The following OMD variants were observed in gnomAD, a reference collection of about 807,000 sequenced individuals.
The protein encoded by OMD is osteomodulin.
In OMD, 19 loss-of-function variants were observed where a neutral mutation model predicts 31.2. The ratio of observed to expected loss-of-function variants is 0.61; its 90% CI spans 0.42 to 0.89. The LOEUF (loss-of-function observed/expected upper bound fraction) is 0.89. OMD is among the 40% of genes least tolerant of loss of function. The pLI is 0.00. For synonymous variants in OMD, 155 were observed against 166.4 expected (o/e 0.93, Z 0.53); for missense variants, 448 against 490.8 (o/e 0.91, Z 0.82).
At position 92,416,072 on chromosome 9, in the gene OMD, T is replaced by TATATATATATA. The variant is rs368634649; in HGVS notation, c.940+546_940+547insTATATATATAT. Among the ~76,000 whole-genome samples, 155 of 125,378 alleles carry TATATATATATA rather than the reference T, an allele frequency of 1.2e-3. 1 individual carries two copies. Among genetic ancestry groups the TATATATATATA allele is most frequent in the South Asian group, 0.011 (43 of 3,992 alleles). The allele number at this position is 125,378 out of a possible 152,430, so 82.3% of individuals were successfully genotyped here. A position where few individuals can be genotyped will look rare whatever the true frequency, so the allele number is the denominator to read the frequency against. On this transcript the variant is annotated intron_variant, in intron 2 of 2. Transcript: ENST00000375550. ...TATATATGTGTGTATATATATATAT[T>TATATATATATA]TATTTATTTATTTATTTATTTATTT...
At position 92,417,422 on chromosome 9, in the gene OMD, C is replaced by T. The variant is rs139573768; in HGVS notation, c.137G>A (p.Arg46His). 100 of 1,613,886 alleles carry T rather than the reference C, an allele frequency of 6.2e-5. No homozygotes were observed. The highest frequency in any genetic ancestry group is 4.0e-5 in the Non-Finnish European group (47 of 1,179,986). The change falls in exon 2 of 3, where the codon CGT (arginine) becomes CAT (histidine). Residue 46 changes from arginine (R) to histidine (H), a missense_variant. Arg to His is a conservative substitution (Grantham distance 29). Transcript: ENST00000375550. Reference protein sequence around the residue: ...DDDYQTGFPFRQNVDYGVPFH... With the variant: ...DDDYQTGFPFHQNVDYGVPFH... ...AGGAACTCCGTAGTCTACATTTTGACGAAATGGGAATCCTGTTTGGTAATC... is the reference window on the plus strand; with the variant it reads ...AGGAACTCCGTAGTCTACATTTTGATGAAATGGGAATCCTGTTTGGTAATC...
rs1390006310 is a variant in OMD at position 92,412,903 on chromosome 9, G to C, written c.*2249C>G. Among the ~76,000 whole-genome samples the C allele has an allele frequency of 6.6e-6, 1 of 151,116 alleles. No individual in the cohort carries two copies. Among genetic ancestry groups the C allele is most frequent in the East Asian group, 1.9e-4 (1 of 5,176 alleles). On this transcript the variant is annotated 3_prime_UTR_variant, in exon 3 of 3. Coordinates refer to ENST00000375550, the MANE Select transcript of OMD (RefSeq NM_005014.3). ...TGTGGACATTTATATGCAAATTTTG[G>C]TGTGAACATGTGTGTTCAGTTCTAT... is the stretch of plus-strand genomic sequence containing the variant.
rs1191751976 is a variant in OMD at position 92,416,793 on chromosome 9, G to A, written c.766C>T (p.Leu256Phe). 1.9e-6 allele frequency: 3 copies of A among 1,613,862 alleles called. No homozygotes were observed. Among genetic ancestry groups the A allele is most frequent in the Non-Finnish European group, 2.5e-6 (3 of 1,179,866 alleles). The stretch of plus-strand genomic sequence containing the variant: ...ATTCTTAGAGTATGAAGTTTTGGAA[G>A]TTTGTCGAAGTATTTTTCGGGTATA... Reference protein sequence around the residue: ...SSIPEKYFDKLPKLHTLRMSH... With the variant: ...SSIPEKYFDKFPKLHTLRMSH... Residue 256 changes from leucine to phenylalanine, a missense_variant, in exon 2 of 3, where the codon CTT becomes TTT. Physicochemically the swap from Leu to Phe is conservative, Grantham distance 22. Coordinates refer to ENST00000375550, the MANE Select transcript of OMD (RefSeq NM_005014.3).
chr9:92,423,318 T>C (rs1843870718), intron 1 of OMD, among the ~76,000 whole-genome samples: 2 of 152,134 alleles, frequency 1.3e-5, no homozygotes, highest in South Asian at 4.1e-4. Context: ...AATAAAACCA[T>C]CTGTGTCATA....
rs1843559056 is a variant in OMD at position 92,415,335 on chromosome 9, A to G, written c.1083T>C (p.Tyr361=). 4 of 1,613,550 alleles carry G rather than the reference A, an allele frequency of 2.5e-6. No homozygotes were observed. The highest frequency in any genetic ancestry group is 2.5e-6 in the Non-Finnish European group (3 of 1,179,790). ...FFCFPHIHTI[Y]YGEQRSTNGQ... Reference sequence around the variant, plus strand: ...CATTAGTGCTTCGTTGTTCACCATAATAAATAGTGTGTATATGAGGGAAGC... The same window carrying G: ...CATTAGTGCTTCGTTGTTCACCATAGTAAATAGTGTGTATATGAGGGAAGC... The change falls in exon 3 of 3, where the codon TAT becomes TAC. Residue 361 remains tyrosine, a synonymous_variant. Transcript: ENST00000375550.
At chr9:92,421,230 G>A (rs1277456343) in intron 1 of OMD, among the ~76,000 whole-genome samples, 1 of 152,078 alleles carries the variant, frequency 6.6e-6, no homozygotes, top group South Asian at 2.1e-4. Flanking sequence ...TGTAAAGACA[G>A]GGTTTTGCCA....
Position 92,418,415 on chromosome 9 carries a change from T to A in OMD, c.-16-841A>T, listed in dbSNP as rs549529362. Among the ~76,000 whole-genome samples, 123 of 151,988 alleles carry A rather than the reference T, an allele frequency of 8.1e-4. 1 individual carries two copies. Among genetic ancestry groups the A allele is most frequent in the African/African-American group, 2.8e-3 (117 of 41,446 alleles). ...ATTTTTTTTTTTTTTAAGTCACATA[T>A]TACACTGAACTTGAGTCAAAAGTCT... On this transcript the variant is annotated intron_variant, in intron 1 of 2. Transcript: ENST00000375550.
rs1843511321 is a variant in OMD at position 92,413,842 on chromosome 9, C to T, written c.*1310G>A. 6.6e-6 allele frequency among the ~76,000 whole-genome samples: 1 copy of T among 152,134 alleles called. No individual in the cohort carries two copies. The highest frequency in any genetic ancestry group is 1.5e-5 in the Non-Finnish European group (1 of 68,028). ...GGTGGGCGTTCTGGTTCTGATAATG[C>T]TAATAATTCCTCAAAGATGTAAAGA... On this transcript the variant is annotated 3_prime_UTR_variant, in exon 3 of 3. Transcript: ENST00000375550.
chr9:92,419,391 C>T lies in OMD; in HGVS notation c.-16-1817G>A, dbSNP rs566016647. Among the ~76,000 whole-genome samples the T allele has an allele frequency of 2.6e-5, 4 of 150,974 alleles. No homozygotes were observed. In the South Asian group the frequency reaches 6.3e-4, roughly 24 times the overall value. On this transcript the variant is annotated intron_variant, in intron 1 of 2. Transcript: ENST00000375550. ...TCTCGGCTCACTGCAGCCACCACCT[C>T]CTGGGTTTAAGCAATTCTCCTGCCT...
rs1259132762 is a variant in OMD, at chr9:92,413,006, T to C, written c.*2146A>G. ...TTTTTTTTTTTTTTTTTTTTTGATA[T>C]GGACTTTTGCTCTTGTTGCCCAGGC... On this transcript the variant is annotated 3_prime_UTR_variant, in exon 3 of 3. Coordinates refer to ENST00000375550, the MANE Select transcript of OMD (RefSeq NM_005014.3). Among the ~76,000 whole-genome samples, 1 of 126,250 alleles carries C rather than the reference T, an allele frequency of 7.9e-6. No homozygotes were observed. Among genetic ancestry groups the C allele is most frequent in the Admixed American group, 8.2e-5 (1 of 12,138 alleles). The allele number at this position is 126,250 out of a possible 152,430, so 82.8% of individuals were successfully genotyped here. A position where few individuals can be genotyped will look rare whatever the true frequency, so the allele number is the denominator to read the frequency against.
rs1372659079 is a variant in OMD at position 92,416,186 on chromosome 9, G to A, written c.940+433C>T. Among the ~76,000 whole-genome samples, 7 of 150,426 alleles carry A rather than the reference G, an allele frequency of 4.7e-5. No individual in the cohort carries two copies. In the South Asian group the frequency reaches 8.4e-4, roughly 18 times the overall value. On this transcript the variant is annotated intron_variant, in intron 2 of 2. Coordinates refer to ENST00000375550, the MANE Select transcript of OMD (RefSeq NM_005014.3). ...ATGATCTCAGCTCACTGCAACCTCC[G>A]ATTCCTGGGTTCAAGCAACTCTCAT... is the stretch of plus-strand genomic sequence containing the variant.
rs1843549427 is a variant in OMD, at chr9:92,415,085, T to C, written c.*67A>G. ...TATATTACTTTGAGTAATACATGTT[T>C]ACTTAGATTTACTATATTAAGTATA... On this transcript the variant is annotated 3_prime_UTR_variant, in exon 3 of 3. Transcript: ENST00000375550. 8.5e-7 allele frequency: 1 copy of C among 1,182,208 alleles called. No homozygotes were observed. Among genetic ancestry groups the C allele is most frequent in the Admixed American group, 2.6e-5 (1 of 38,894 alleles). The allele number at this position is 1,182,208 out of a possible 1,614,324, so 73.2% of individuals were successfully genotyped here. A position where few individuals can be genotyped will look rare whatever the true frequency, so the allele number is the denominator to read the frequency against.
intron 1 of OMD, among the ~76,000 whole-genome samples, chr9:92,419,299 C>CTTTTTTT (rs34582930): frequency 8.5e-6 from 1 of 117,098 alleles, no homozygotes; most frequent in East Asian, 2.3e-4. Flanking sequence ...TGCCTTGTGT[C>CTTTTTTT]TTTTTTTTTT....
chr9:92,416,527 A>T lies in OMD; in HGVS notation c.940+92T>A, dbSNP rs1181533431. 6.3e-6 allele frequency: 5 copies of T among 797,370 alleles called. No homozygotes were observed. In the East Asian group the frequency reaches 1.4e-4, roughly 22 times the overall value. 49.4% of individuals were successfully genotyped at this position (797,370 alleles called of 1,614,324 possible). A position where few individuals can be genotyped will look rare whatever the true frequency, so the allele number is the denominator to read the frequency against. ...AACTTCAAAACAACTATTTTCAGCA[A>T]TGTCTAAAGCATAGCTTATTGAATA... On this transcript the variant is annotated intron_variant, in intron 2 of 2. Transcript: ENST00000375550.
intron 1 of OMD, among the ~76,000 whole-genome samples, chr9:92,418,668 A>G (rs776844607): frequency 2.0e-5 from 3 of 152,172 alleles, no homozygotes; most frequent in Non-Finnish European, 4.4e-5. Context: ...GGGAGATTCT[A>G]CAACTTCTAT....
At chr9:92,420,212 G>A (rs1345782624) in intron 1 of OMD, among the ~76,000 whole-genome samples, 1 of 152,112 alleles carries the variant, frequency 6.6e-6, no homozygotes, top group Non-Finnish European at 1.5e-5. Flanking sequence ...AACTCCAGCT[G>A]CAATAATTCT....
chr9:92,422,362 G>A (rs1377892087), intron 1 of OMD, among the ~76,000 whole-genome samples: 1 of 152,100 alleles, frequency 6.6e-6, no homozygotes, highest in African/African-American at 2.4e-5. Context: ...TGAAAACTCA[G>A]CTTGAATTTT....
In OMD at chr9:92,413,013, T is replaced by A. The variant is rs1843489636; in HGVS notation, c.*2139A>T. Among the ~76,000 whole-genome samples the A allele has an allele frequency of 6.7e-6, 1 of 149,612 alleles. No homozygotes were observed. Among genetic ancestry groups the A allele is most frequent in the African/African-American group, 2.5e-5 (1 of 40,466 alleles). ...TTTTTTTTTTTTTTGATATGGACTT[T>A]TGCTCTTGTTGCCCAGGCTGGAGTG... On this transcript the variant is annotated 3_prime_UTR_variant, in exon 3 of 3. Transcript: ENST00000375550.
intron 1 of OMD, among the ~76,000 whole-genome samples, chr9:92,419,046 T>A (rs1843704974): frequency 6.6e-6 from 1 of 152,258 alleles, no homozygotes; most frequent in Admixed American, 6.5e-5. Flanking sequence ...GAGAATCAAA[T>A]ACACGTGCAG....
Sources: gnomAD v4.1 joint callset for allele counts (sites outside exome capture counted in the v4.1 genomes callset) on GRCh38, gnomAD v4.1.1 for gene constraint, MANE v1.5 for transcripts, NCBI Gene and HGNC (gene_info 2026-07-23, HGNC 2026-07-21) for gene names.